MCM3AP: variants seen among roughly 807,000 people sequenced by gnomAD.
MCM3AP encodes minichromosome maintenance complex component 3 associated protein.
In MCM3AP, 126 loss-of-function variants were observed where a neutral mutation model predicts 184.1. The ratio of observed to expected loss-of-function variants is 0.68; its 90% confidence interval spans 0.59 to 0.79. MCM3AP has a LOEUF of 0.79. Ranked by LOEUF, MCM3AP falls within the 30% of genes least tolerant of loss-of-function variation. The pLI is 0.00. For synonymous variants in MCM3AP, 1,002 were observed against 979.3 expected, an observed-to-expected ratio of 1.02 and a Z score of -0.43; for missense variants, 2,496 against 2,479.2, an observed-to-expected ratio of 1.01 and a Z score of -0.14.
In MCM3AP at chr21:46,270,505, G is replaced by C. The variant is rs199529702; in HGVS notation, c.2524C>G (p.Gln842Glu). 2.2e-5 allele frequency: 36 copies of C among 1,613,814 alleles called. No homozygotes were observed. The East Asian group carries it at 6.7e-4, about 30-fold the overall frequency. The change falls in exon 9 of 28, where the codon CAG (glutamine) becomes GAG (glutamate). Residue 842 changes from glutamine to glutamate, a missense_variant. Gln to Glu is a conservative substitution (Grantham distance 29). Transcript: ENST00000291688. ...RNSSEVKFAV[Q>E]AFAALNSNNF... ...TTACTGTTCAATGCAGCAAAAGCCT[G>C]AACAGCAAATTTCACCTCAGATGAG... is the stretch of plus-strand genomic sequence containing the variant.
At chr21:46,241,049 C>A in intron 25 of MCM3AP, 32 bp from the exon 26 acceptor site, 2 of 1,488,556 alleles carry the variant, frequency 1.3e-6, no homozygotes, top group South Asian at 2.3e-5. Flanking sequence ...TGTTTATGGT[C>A]AAGAGAAAAT....
At chr21:46,251,469 T>C (rs2080867226) in intron 20 of MCM3AP, 60 bp downstream of exon 20, 5 of 1,418,642 alleles carry the variant, frequency 3.5e-6, no homozygotes, top group African/African-American at 2.8e-5. Flanking sequence ...TCCAGTGATA[T>C]CTGGGAGTAA....
chr21:46,260,533 T>C (rs1334349965), intron 15 of MCM3AP, among the ~76,000 whole-genome samples: 7 of 152,218 alleles, frequency 4.6e-5, no homozygotes, highest in Admixed American at 1.3e-4. Context: ...AAATATATGA[T>C]AAATGCCAGT....
intron 6 of MCM3AP, among the ~76,000 whole-genome samples, chr21:46,274,053 G>GTT (rs2081223869): frequency 6.6e-6 from 1 of 152,272 alleles, no homozygotes; most frequent in Non-Finnish European, 1.5e-5. Context: ...AAAGGAGGCT[G>GTT]AAGACGTGGC....
chr21:46,263,973 A>C (rs1342685667), intron 13 of MCM3AP, 144 bp downstream of exon 13: 5 of 554,330 alleles, frequency 9.0e-6, no homozygotes, highest in Admixed American at 3.0e-5. Context: ...ATGTAGGGGA[A>C]AATCTTCCTG....
intron 21 of MCM3AP, 75 bp downstream of exon 21, chr21:46,246,553 G>A (rs2123833122): frequency 6.3e-7 from 1 of 1,577,820 alleles, no homozygotes; most frequent in Non-Finnish European, 8.7e-7. Context: ...AACACTACTG[G>A]ACCATCCTCA....
intron 19 of MCM3AP, chr21:46,251,883 T>A: frequency 6.5e-5 from 11 of 168,942 alleles, no homozygotes; most frequent in Non-Finnish European, 9.3e-5. Context: ...TACTCGTTCT[T>A]TTTTTTTTTT....
chr21:46,256,500 G>A, intron 17 of MCM3AP: 1 of 451,398 alleles, frequency 2.2e-6, no homozygotes, highest in South Asian at 3.2e-5. Flanking sequence ...ACTGGGACGA[G>A]CAGGAAAAGA....
At position 46,242,845 on chromosome 21, in the gene MCM3AP, C is replaced by T. The variant is rs17183290; in HGVS notation, c.5383G>A (p.Ala1795Thr). Residue 1795 changes from alanine (A) to threonine (T), a missense_variant, in exon 25 of 28, where the codon GCC becomes ACC. Physicochemically the swap from Ala to Thr is moderately conservative, Grantham distance 58. Transcript: ENST00000291688. ...AGCTCCTTCTGCGTCTGCAACCTGGCTTGTTCCCACGACAAAGGAACATCA... is the reference window on the plus strand; with the variant it reads ...AGCTCCTTCTGCGTCTGCAACCTGGTTTGTTCCCACGACAAAGGAACATCA... Reference protein sequence around the residue: ...KYDVPLSWEQARLQTQKELQL... With the variant: ...KYDVPLSWEQTRLQTQKELQL... The T allele has an allele frequency of 1.1e-4, 175 of 1,613,512 alleles. No homozygotes were observed. The East Asian group carries it at 2.7e-3, about 25-fold the overall frequency.
chr21:46,244,167 C>T (rs988641686), intron 23 of MCM3AP, among the ~76,000 whole-genome samples: 2 of 152,248 alleles, frequency 1.3e-5, no homozygotes, highest in Non-Finnish European at 2.9e-5. Context: ...AGAAGGGCGC[C>T]TGAGGCCCAA....
chr21:46,238,070 G>C (rs151107694), intron 26 of MCM3AP, among the ~76,000 whole-genome samples: 1,475 of 97,142 alleles, frequency 0.015, 337 homozygotes, highest in Non-Finnish European at 0.022. Context: ...TTGCACTCCA[G>C]CCAGGGCAAC....
intron 17 of MCM3AP, among the ~76,000 whole-genome samples, chr21:46,255,981 C>G (rs2080943701): frequency 6.6e-6 from 1 of 152,196 alleles, no homozygotes; most frequent in Non-Finnish European, 1.5e-5. Context: ...ACTGCCGGCG[C>G]AGAACCTGAT....
At chr21:46,242,251 A>G (rs1002938691) in intron 25 of MCM3AP, 1 of 152,654 alleles carries the variant, frequency 6.6e-6, no homozygotes, top group Admixed American at 6.5e-5. Flanking sequence ...TGTTCCTAAC[A>G]TTCTACCAAG....
chr21:46,275,158 C>T, intron 6 of MCM3AP, 28 bp downstream of exon 6: 1 of 1,597,710 alleles, frequency 6.3e-7, no homozygotes, highest in East Asian at 2.2e-5. Flanking sequence ...CCCCTGCCCA[C>T]ACTCCACGGG....
In MCM3AP at chr21:46,275,978, C is replaced by CTGG. The variant is rs752541556; in HGVS notation, c.1859-656_1859-654dup. ...AAAAATTCTAATACCTGGGCCCGGC[C>CTGG]TGGTGGCTCACGCCTGTAATCCCAG... On this transcript the variant is annotated intron_variant, in intron 5 of 27. Coordinates refer to ENST00000291688, the MANE Select transcript of MCM3AP (RefSeq NM_003906.5). Among the ~76,000 whole-genome samples, 7 of 152,232 alleles carry CTGG rather than the reference C, an allele frequency of 4.6e-5. No individual in the cohort carries two copies. In the South Asian group the frequency reaches 1.4e-3, roughly 32 times the overall value.
At chr21:46,253,864 C>T (rs1387800335) in intron 19 of MCM3AP, 1 of 161,244 alleles carries the variant, frequency 6.2e-6, no homozygotes, top group Non-Finnish European at 1.4e-5. Context: ...GCAGCACCTC[C>T]CCCTTGCTGT....
In MCM3AP at chr21:46,283,637, G is replaced by A. The variant is rs1490441558; in HGVS notation, c.1421C>T (p.Ala474Val). 6.2e-7 allele frequency: 1 copy of A among 1,613,714 alleles called. No individual in the cohort carries two copies. The highest frequency in any genetic ancestry group is 1.7e-5 in the Admixed American group (1 of 60,004). The change falls in exon 2 of 28, where the codon GCA (alanine) becomes GTA (valine). Residue 474 changes from alanine (A) to valine (V), a missense_variant. Around this residue, in one of 5 missense-constraint regions of MCM3AP, gnomAD observed 800 missense variants for 717.1 expected, o/e 1.12. Transcript: ENST00000291688. ...RIFTRRSKKL[A>V]VVHFFDHASA... ...CACATGATCAAAGAAATGTACCACT[G>A]CAAGCTTTTTGCTGCGCCTGGTAAA...
Position 46,284,719 on chromosome 21 carries a change from C to T in MCM3AP, c.568G>A (p.Ala190Thr), listed in dbSNP as rs761041231. Residue 190 changes from alanine to threonine, a missense_variant, in exon 1 of 28, where the codon GCC (alanine) becomes ACC (threonine). By Grantham distance (58) the Ala-to-Thr change is moderately conservative. Transcript: ENST00000291688. Reference sequence around the variant, plus strand: ...GTTACTTGAGGAAAAGAGAAAGGGGCCAGGCCTCCAGGTGCACTACTAATT... The same window carrying T: ...GTTACTTGAGGAAAAGAGAAAGGGGTCAGGCCTCCAGGTGCACTACTAATT... ...HPISSAPGGL[A>T]PFSFPQVTSS... 18 of 1,613,888 alleles carry T rather than the reference C, an allele frequency of 1.1e-5. No homozygotes were observed. The highest frequency in any genetic ancestry group is 5.1e-6 in the Non-Finnish European group (6 of 1,180,022).
At chr21:46,240,131 A>T (rs13052701) in intron 26 of MCM3AP, among the ~76,000 whole-genome samples, 39,297 of 151,920 alleles carry the variant, frequency 0.26, 5,835 homozygotes, top group Admixed American at 0.37. Context: ...CACGAGAGAG[A>T]TACTCATTGA....
Sources: allele counts gnomAD v4.1 joint callset (sites outside exome capture counted in the v4.1 genomes callset), GRCh38; gene constraint gnomAD v4.1.1; regional missense constraint gnomAD v4.1.1; transcripts MANE v1.5; gene names NCBI Gene and HGNC (gene_info 2026-07-23, HGNC 2026-07-21).